Variants in ZNF592 observed in about 807,000 individuals in gnomAD.
The protein encoded by ZNF592 is spinocerebellar ataxia, autosomal recessive 5.
Under a neutral mutation model 80.3 loss-of-function variants are expected in ZNF592, and 11 were observed. The observed-to-expected ratio is 0.14, with a 90% CI of 0.09 to 0.23. The LOEUF is 0.23. Among genes scored for constraint, ZNF592 ranks in the 10% least tolerant of loss-of-function variants. ZNF592 has a pLI of 1.00. For missense variants in ZNF592, 1,420 were observed against 1,633.9 expected (o/e 0.87, Z 2.26); for synonymous variants, 646 against 640.3 (o/e 1.01, Z -0.13).
chr15:84,753,946 T>C (rs771857430), intron 1 of ZNF592, among the ~76,000 whole-genome samples: 4 of 152,222 alleles, frequency 2.6e-5, no homozygotes, highest in Non-Finnish European at 5.9e-5. Flanking sequence ...CTTTGCTTGC[T>C]CCAAGGGTGT....
chr15:84,783,958 T>C lies in ZNF592; in HGVS notation c.1283T>C (p.Val428Ala). Residue 428 changes from valine (V) to alanine (A), a missense_variant, in exon 4 of 11, where the codon GTG (valine) becomes GCG (alanine). Transcript: ENST00000560079. This position sits in a 1 kb window ranked among gnomAD's most constrained non-coding sequence, Gnocchi z 5.0. ...GAGATGCCAGGGGATGAGGTGCCTG[T>C]GGAAGAGCACTTTCCTGAGGCAGGC... ...PSEMPGDEVP[V>A]EEHFPEAGTN... 6.2e-7 allele frequency: 1 copy of C among 1,613,684 alleles called. No individual in the cohort carries two copies. Among genetic ancestry groups the C allele is most frequent in the Non-Finnish European group, 8.5e-7 (1 of 1,179,628 alleles).
At chr15:84,800,089 C>T (rs2141526445) in intron 10 of ZNF592, 112 bp downstream of exon 10, 2 of 1,523,020 alleles carry the variant, frequency 1.3e-6, no homozygotes, top group Non-Finnish European at 1.8e-6. Flanking sequence ...TGACAGCTTC[C>T]CTCAATGTGG....
In ZNF592 at chr15:84,783,259, A is replaced by G. The variant is rs775586393; in HGVS notation, c.584A>G (p.His195Arg). Reference protein sequence around the residue: ...ALAKFPVPELHMFDHFCKKEP... With the variant: ...ALAKFPVPELRMFDHFCKKEP... The stretch of plus-strand genomic sequence containing the variant: ...GCTAAGTTTCCGGTTCCAGAGCTGC[A>G]TATGTTTGATCATTTTTGTAAGAAA... Residue 195 changes from histidine (H) to arginine (R), a missense_variant, in exon 4 of 11, where the codon CAT becomes CGT. Transcript: ENST00000560079. The surrounding 1 kb of genome is among the most constrained non-coding windows in gnomAD (Gnocchi z 5.0). The G allele has an allele frequency of 6.2e-7, 1 of 1,614,052 alleles. No individual in the cohort carries two copies. Among genetic ancestry groups the G allele is most frequent in the African/African-American group, 1.3e-5 (1 of 74,902 alleles).
intron 2 of ZNF592, among the ~76,000 whole-genome samples, chr15:84,769,787 TG>T (rs1219330337): frequency 6.6e-6 from 1 of 152,134 alleles, no homozygotes; most frequent in African/African-American, 2.4e-5. Flanking sequence ...TTTTTTGAGA[TG>T]GGGTCTCACT....
chr15:84,785,168 CA>C (rs1249976984), intron 4 of ZNF592, among the ~76,000 whole-genome samples: 4 of 152,218 alleles, frequency 2.6e-5, no homozygotes, highest in Non-Finnish European at 4.4e-5. Flanking sequence ...GGCCCAGTGT[CA>C]GGCCCGAGAT....
At chr15:84,778,488 T>G (rs1480301972) in intron 3 of ZNF592, among the ~76,000 whole-genome samples, 176 bp downstream of exon 3, 3 of 152,212 alleles carry the variant, frequency 2.0e-5, no homozygotes, top group Non-Finnish European at 4.4e-5. Context: ...TATATGGGGT[T>G]GGCCATGTTG....
intron 1 of ZNF592, among the ~76,000 whole-genome samples, chr15:84,749,565 T>C (rs1898951437): frequency 6.6e-6 from 1 of 152,230 alleles, no homozygotes; most frequent in Admixed American, 6.5e-5. Flanking sequence ...CCAGGACTAG[T>C]CTAGAATAGG....
intron 2 of ZNF592, among the ~76,000 whole-genome samples, chr15:84,774,379 T>A (rs1375747658): frequency 2.0e-5 from 3 of 152,240 alleles, no homozygotes; most frequent in Admixed American, 2.0e-4. Context: ...TTTATATAAT[T>A]ATGAAGACTT....
chr15:84,798,231 G>C lies in ZNF592; in HGVS notation c.2577-84G>C. The C allele has an allele frequency of 1.2e-6, 2 of 1,604,412 alleles. No individual in the cohort carries two copies. The highest frequency in any genetic ancestry group is 1.7e-6 in the Non-Finnish European group (2 of 1,175,112). ...CTCAGGGTAGTGCTTTCCCAAACTT[G>C]ACCCTGGTTCAGAGAGAGCAGAGAT... On this transcript the variant is annotated intron_variant, in intron 6 of 10. Coordinates refer to ENST00000560079, the MANE Select transcript of ZNF592 (RefSeq NM_014630.3). The surrounding 1 kb of genome is among the most constrained non-coding windows in gnomAD (Gnocchi z 4.5).
intron 2 of ZNF592, among the ~76,000 whole-genome samples, chr15:84,768,585 C>T (rs1053400583): frequency 6.6e-6 from 1 of 152,146 alleles, no homozygotes; most frequent in African/African-American, 2.4e-5. Flanking sequence ...GTACCTACCT[C>T]TTCCCTATGG....
At position 84,798,219 on chromosome 15, in the gene ZNF592, TTTCCCAAACTTGACCCTGG is replaced by T; in HGVS notation, c.2577-92_2577-74del. 1 of 1,598,102 alleles carries T rather than the reference TTTCCCAAACTTGACCCTGG, an allele frequency of 6.3e-7. No individual in the cohort carries two copies. Among genetic ancestry groups the T allele is most frequent in the Non-Finnish European group, 8.5e-7 (1 of 1,171,198 alleles). On this transcript the variant is annotated intron_variant, in intron 6 of 10. Coordinates refer to ENST00000560079, the MANE Select transcript of ZNF592 (RefSeq NM_014630.3). The surrounding 1 kb of genome is among the most constrained non-coding windows in gnomAD (Gnocchi z 4.5). ...CATCCACATTGGCTCAGGGTAGTGC[TTTCCCAAACTTGACCCTGG>T]TTCAGAGAGAGCAGAGATGGGTGGA...
chr15:84,781,701 A>C (rs548581042), intron 3 of ZNF592, among the ~76,000 whole-genome samples: 1 of 152,190 alleles, frequency 6.6e-6, no homozygotes, highest in Non-Finnish European at 1.5e-5. Context: ...TGCAGGACTT[A>C]AAGGGAGATG....
At chr15:84,769,679 G>T (rs577970905) in intron 2 of ZNF592, among the ~76,000 whole-genome samples, 6 of 152,130 alleles carry the variant, frequency 3.9e-5, no homozygotes, top group Non-Finnish European at 7.4e-5. Context: ...GGAAAGATGG[G>T]ATTTCACTCT....
At chr15:84,763,205 G>A (rs760890713) in intron 1 of ZNF592, among the ~76,000 whole-genome samples, 21 of 152,210 alleles carry the variant, frequency 1.4e-4, no homozygotes, top group Non-Finnish European at 2.8e-4. Context: ...AGTTCCTTGT[G>A]CAGTGTGAAG....
rs1233110168 is a variant in ZNF592, at chr15:84,804,334, G to A, written c.*1941G>A. 1 of 152,260 alleles carries A rather than the reference G, an allele frequency of 6.6e-6. No individual in the cohort carries two copies. The highest frequency in any genetic ancestry group is 2.4e-5 in the African/African-American group (1 of 41,454). The allele number at this position is 152,260 out of a possible 1,614,324, so 9.4% of individuals were successfully genotyped here. On this transcript the variant is annotated 3_prime_UTR_variant, in exon 11 of 11. Coordinates refer to ENST00000560079, the MANE Select transcript of ZNF592 (RefSeq NM_014630.3). ...GGGTTCCAGAGGAGGCTGATAGAAGGGTTTGAAATGACTGGCTGGATCCCT... is the reference window on the plus strand; with the variant it reads ...GGGTTCCAGAGGAGGCTGATAGAAGAGTTTGAAATGACTGGCTGGATCCCT...
chr15:84,757,493 C>T (rs1899211116), intron 1 of ZNF592, among the ~76,000 whole-genome samples: 1 of 151,944 alleles, frequency 6.6e-6, no homozygotes, highest in South Asian at 2.1e-4. Flanking sequence ...CAGGCATGGG[C>T]CACAATGCCT....
rs1963116266 is a variant in ZNF592, at chr15:84,802,188, A to G, written c.3599A>G (p.Glu1200Gly). 6.2e-7 allele frequency: 1 copy of G among 1,602,650 alleles called. No individual in the cohort carries two copies. Among genetic ancestry groups the G allele is most frequent in the Admixed American group, 1.7e-5 (1 of 59,620 alleles). The change falls in exon 11 of 11, where the codon GAG becomes GGG. Residue 1200 changes from glutamate to glycine, a missense_variant. Transcript: ENST00000560079. Reference sequence around the variant, plus strand: ...GCGGAGATGGCAGTGGAGGTGGCAGAGCCAGAGGAGGGCTCCGGGGAGGAG... The same window carrying G: ...GCGGAGATGGCAGTGGAGGTGGCAGGGCCAGAGGAGGGCTCCGGGGAGGAG... Reference protein sequence around the residue: ...AAAEMAVEVAEPEEGSGEEVP... With the variant: ...AAAEMAVEVAGPEEGSGEEVP...
At chr15:84,751,272 A>G (rs1899005994) in intron 1 of ZNF592, among the ~76,000 whole-genome samples, 2 of 152,252 alleles carry the variant, frequency 1.3e-5, no homozygotes, top group Non-Finnish European at 2.9e-5. Flanking sequence ...AGGTTATCAT[A>G]CCCATTTTAC....
intron 4 of ZNF592, among the ~76,000 whole-genome samples, chr15:84,785,292 G>A (rs960993212): frequency 2.8e-4 from 42 of 152,116 alleles, no homozygotes; most frequent in Non-Finnish European, 4.6e-4. Flanking sequence ...CTGCACCTCA[G>A]TCTGTTCTAA....
Sources: allele counts gnomAD v4.1 joint callset (sites outside exome capture counted in the v4.1 genomes callset), GRCh38; gene constraint gnomAD v4.1.1; non-coding constraint Gnocchi (gnomAD v3.1); transcripts MANE v1.5; gene names NCBI Gene and HGNC (gene_info 2026-07-23, HGNC 2026-07-21).